The following GTF2A1 variants were observed in gnomAD, a reference collection of about 807,000 sequenced individuals.
GTF2A1 encodes general transcription factor IIA subunit 1, also known as transcription initiation factor IIA subunit 1.
In GTF2A1, 12 loss-of-function variants were observed where a neutral mutation model predicts 54.1. The ratio of observed to expected loss-of-function variants is 0.22; its 90% CI spans 0.14 to 0.36. GTF2A1 has a LOEUF of 0.36. Among genes scored for constraint, GTF2A1 ranks in the 10% least tolerant of loss-of-function variants. GTF2A1 has a pLI of 1.00. For missense variants in GTF2A1, 335 were observed against 442.2 expected, an observed-to-expected ratio of 0.76 and a Z score of 2.17; for synonymous variants, 145 against 152.0, an observed-to-expected ratio of 0.95 and a Z score of 0.34.
chr14:81,185,552 A>C lies in GTF2A1; in HGVS notation c.1002T>G (p.Val334=). ...EGQELFDTEN[V]VVCQYDKIHR... ...TTACCTTATCATATTGGCATACAAC[A>C]ACATTTTCTGTGTCAAAGAGTTCCT... is the stretch of plus-strand genomic sequence containing the variant. Residue 334 remains valine (V), a synonymous_variant, in exon 8 of 9, where the codon GTT becomes GTG. Transcript: ENST00000553612. 1.9e-6 allele frequency: 3 copies of C among 1,579,214 alleles called. No homozygotes were observed. The highest frequency in any genetic ancestry group is 2.6e-6 in the Non-Finnish European group (3 of 1,148,462).
At chr14:81,203,520 A>C (rs1343354334) in intron 3 of GTF2A1, among the ~76,000 whole-genome samples, 1 of 152,220 alleles carries the variant, frequency 6.6e-6, no homozygotes, top group Non-Finnish European at 1.5e-5. Context: ...CTATTGTACC[A>C]TATAAAATAA....
chr14:81,212,076 C>T (rs1249650135), intron 2 of GTF2A1, among the ~76,000 whole-genome samples: 1 of 151,380 alleles, frequency 6.6e-6, no homozygotes, highest in East Asian at 1.9e-4. Context: ...TAGGACAGCC[C>T]CTGCAACAAA....
chr14:81,177,975 T>C lies in GTF2A1; in HGVS notation c.*2248A>G, dbSNP rs190268702. 2 of 152,278 alleles carry C rather than the reference T, an allele frequency of 1.3e-5. No individual in the cohort carries two copies. The highest frequency in any genetic ancestry group is 3.9e-4 in the East Asian group (2 of 5,188). 9.4% of individuals were successfully genotyped at this position (152,278 alleles called of 1,614,324 possible). On this transcript the variant is annotated 3_prime_UTR_variant, in exon 9 of 9. Transcript: ENST00000553612. ...AAAGCATTTGCCAAGTATACCATAATTCATATGCAATACGCAGGTGCAAAT... is the reference window on the plus strand; with the variant it reads ...AAAGCATTTGCCAAGTATACCATAACTCATATGCAATACGCAGGTGCAAAT...
At chr14:81,187,050 T>C (rs542992325) in intron 7 of GTF2A1, among the ~76,000 whole-genome samples, 1 of 152,186 alleles carries the variant, frequency 6.6e-6, no homozygotes, top group South Asian at 2.1e-4. Context: ...GTATCATCAA[T>C]GTAAAATGAA....
rs538142791 is a variant in GTF2A1, at chr14:81,205,958, A to G, written c.133-1854T>C. 1.7e-4 allele frequency among the ~76,000 whole-genome samples: 26 copies of G among 152,274 alleles called. No homozygotes were observed. In the Middle Eastern group the frequency reaches 0.01, roughly 60 times the overall value. On this transcript the variant is annotated intron_variant, in intron 2 of 8. Transcript: ENST00000553612. ...CTTCCAAACACTCTGTTATCACCCA[A>G]ACCTTCTACATCTTCTCCTCTCTTC...
chr14:81,214,190 T>G (rs1893435294), intron 2 of GTF2A1, among the ~76,000 whole-genome samples: 1 of 152,202 alleles, frequency 6.6e-6, no homozygotes, highest in South Asian at 2.1e-4. Flanking sequence ...GGTTGCCAAG[T>G]TGCAGCCTCG....
At position 81,216,482 on chromosome 14, in the gene GTF2A1, G is replaced by C. The variant is rs1247681795; in HGVS notation, c.63C>G (p.Val21=). The stretch of plus-strand genomic sequence containing the variant: ...GAAAGATGTCTCTCACATCATTAAT[G>C]ACATCTTCAATCACAGATCTGTATA... ...PKLYRSVIED[V]INDVRDIFLD... Residue 21 remains valine (V), a synonymous_variant, in exon 2 of 9, where the codon GTC becomes GTG. Coordinates refer to ENST00000553612, the MANE Select transcript of GTF2A1 (RefSeq NM_015859.4). 6.5e-7 allele frequency: 1 copy of C among 1,534,394 alleles called. No homozygotes were observed. The highest frequency in any genetic ancestry group is 1.1e-5 in the South Asian group (1 of 89,206).
intron 2 of GTF2A1, among the ~76,000 whole-genome samples, chr14:81,214,728 T>C (rs1277947184): frequency 6.6e-6 from 1 of 152,100 alleles, no homozygotes; most frequent in African/African-American, 2.4e-5. Context: ...CTAATAGAAA[T>C]TATAACAAAT....
chr14:81,184,051 C>T (rs960414699), intron 8 of GTF2A1, among the ~76,000 whole-genome samples: 5 of 152,196 alleles, frequency 3.3e-5, no homozygotes, highest in Non-Finnish European at 7.4e-5. Context: ...TCATTCAGCA[C>T]ACCATTTAGA....
At chr14:81,198,898 A>G (rs1893045805) in intron 4 of GTF2A1, among the ~76,000 whole-genome samples, 1 of 152,192 alleles carries the variant, frequency 6.6e-6, no homozygotes, top group South Asian at 2.1e-4. Flanking sequence ...AAGAAAATAC[A>G]CTTGTTGCCA....
rs1355738554 is a variant in GTF2A1 at position 81,201,620 on chromosome 14, T to C, written c.376A>G (p.Ile126Val). ...PQVIVPDSKLIQHMNASNMSA... is the reference protein window; with the variant it reads ...PQVIVPDSKLVQHMNASNMSA... The stretch of plus-strand genomic sequence containing the variant: ...ATGTTTGATGCATTCATATGCTGTA[T>C]CAACTTAGAATCTGGAACAATAACT... The change falls in exon 4 of 9, where the codon ATA becomes GTA. Residue 126 changes from isoleucine (I) to valine (V), a missense_variant. Coordinates refer to ENST00000553612, the MANE Select transcript of GTF2A1 (RefSeq NM_015859.4). 6.2e-7 allele frequency: 1 copy of C among 1,609,074 alleles called. No individual in the cohort carries two copies. Among genetic ancestry groups the C allele is most frequent in the South Asian group, 1.1e-5 (1 of 91,000 alleles).
chr14:81,187,095 C>A (rs1033875642), intron 7 of GTF2A1, among the ~76,000 whole-genome samples: 1 of 152,028 alleles, frequency 6.6e-6, no homozygotes, highest in Non-Finnish European at 1.5e-5. Flanking sequence ...TGGCTCACAC[C>A]TGTAATTCCA....
rs1892540221 is a variant in GTF2A1, at chr14:81,176,902, C to T, written c.*3321G>A. Reference sequence around the variant, plus strand: ...TCTCAAGTAGAAGAAAATGCTAAGTCATAAAGAGAACTCCCAAGAGGAAAT... The same window carrying T: ...TCTCAAGTAGAAGAAAATGCTAAGTTATAAAGAGAACTCCCAAGAGGAAAT... On this transcript the variant is annotated 3_prime_UTR_variant, in exon 9 of 9. Coordinates refer to ENST00000553612, the MANE Select transcript of GTF2A1 (RefSeq NM_015859.4). The T allele has an allele frequency of 2.0e-5, 3 of 152,000 alleles. No individual in the cohort carries two copies. The highest frequency in any genetic ancestry group is 2.0e-4 in the Admixed American group (3 of 15,250). 9.4% of individuals were successfully genotyped at this position (152,000 alleles called of 1,614,324 possible). A position where few individuals can be genotyped will look rare whatever the true frequency, so the allele number is the denominator to read the frequency against.
At position 81,220,849 on chromosome 14, in the gene GTF2A1, G is replaced by A; in HGVS notation, c.-331C>T. The A allele has an allele frequency of 6.9e-6, 2 of 288,008 alleles. No homozygotes were observed. The highest frequency in any genetic ancestry group is 1.3e-5 in the Non-Finnish European group (2 of 155,778). The allele number at this position is 288,008 out of a possible 1,614,324, so 17.8% of individuals were successfully genotyped here. A position where few individuals can be genotyped will look rare whatever the true frequency, so the allele number is the denominator to read the frequency against. ...GGTCACCGCTCCCTGCGCCGCCGCTGCCGCCACCGGCTGCAGCTCCAGCCG... is the reference window on the plus strand; with the variant it reads ...GGTCACCGCTCCCTGCGCCGCCGCTACCGCCACCGGCTGCAGCTCCAGCCG... On this transcript the variant is annotated 5_prime_UTR_variant, in exon 1 of 9. Transcript: ENST00000553612.
chr14:81,181,906 T>G (rs939180575), intron 8 of GTF2A1, among the ~76,000 whole-genome samples: 1 of 152,214 alleles, frequency 6.6e-6, no homozygotes, highest in South Asian at 2.1e-4. Context: ...AGTGCAAACA[T>G]TCTTCATGAC....
intron 4 of GTF2A1, among the ~76,000 whole-genome samples, chr14:81,201,141 T>C (rs1162706434): frequency 6.6e-6 from 1 of 152,216 alleles, no homozygotes; most frequent in East Asian, 1.9e-4. Flanking sequence ...AATGACTTAT[T>C]AGACTATACT....
At chr14:81,214,547 G>A (rs1473994029) in intron 2 of GTF2A1, among the ~76,000 whole-genome samples, 1 of 151,852 alleles carries the variant, frequency 6.6e-6, no homozygotes, top group Non-Finnish European at 1.5e-5. Context: ...TTGGGAGGCT[G>A]AGGCAGGAGA....
chr14:81,183,621 C>T (rs191190415), intron 8 of GTF2A1, among the ~76,000 whole-genome samples: 173 of 152,294 alleles, frequency 1.1e-3, no homozygotes, highest in South Asian at 2.5e-3. Flanking sequence ...TTCTTAAAGC[C>T]AGGAGAAAGC....
chr14:81,210,509 C>T (rs935244850), intron 2 of GTF2A1, among the ~76,000 whole-genome samples: 1 of 152,026 alleles, frequency 6.6e-6, no homozygotes. Flanking sequence ...ATAAAATAAA[C>T]AATGAAACAC....
Sources: allele counts gnomAD v4.1 joint callset (sites outside exome capture counted in the v4.1 genomes callset), GRCh38; gene constraint gnomAD v4.1.1; transcripts MANE v1.5; gene names NCBI Gene and HGNC (gene_info 2026-07-23, HGNC 2026-07-21).